The following TMEM131L variants were observed in gnomAD, a reference collection of about 807,000 sequenced individuals.
TMEM131L encodes the protein transmembrane protein 131-like.
In TMEM131L, 54 loss-of-function variants were observed where a neutral mutation model predicts 192.2. The ratio of observed to expected loss-of-function variants is 0.28; its 90% confidence interval spans 0.23 to 0.35. The LOEUF is 0.35. TMEM131L is among the 10% of genes least tolerant of loss of function. The probability of loss-of-function intolerance (pLI) is 1.00; values close to 1 mark genes in which losing one functional copy is unlikely to be tolerated. For missense variants in TMEM131L, 1,888 were observed against 1,972.9 expected, an observed-to-expected ratio of 0.96 and a Z score of 0.82; for synonymous variants, 701 against 704.9, an observed-to-expected ratio of 0.99 and a Z score of 0.09.
chr4:153,511,762 ATAAG>A (rs1015926924), intron 3 of TMEM131L, among the ~76,000 whole-genome samples: 6 of 152,208 alleles, frequency 3.9e-5, no homozygotes, highest in African/African-American at 1.2e-4. Flanking sequence ...CATTCCAGTA[ATAAG>A]TAATAGTCTT....
intron 3 of TMEM131L, among the ~76,000 whole-genome samples, chr4:153,490,669 T>C (rs1732704286): frequency 6.6e-6 from 1 of 151,910 alleles, no homozygotes; most frequent in Non-Finnish European, 1.5e-5. Context: ...ATTTAAAAAA[T>C]GAGCGGCCGG....
intron 18 of TMEM131L, among the ~76,000 whole-genome samples, chr4:153,592,814 A>G (rs969683728): frequency 2.0e-5 from 3 of 152,226 alleles, no homozygotes; most frequent in African/African-American, 7.2e-5. Flanking sequence ...GAAGTCCACT[A>G]ACCAACAGAT....
chr4:153,589,684 A>G (rs1015884281), intron 16 of TMEM131L, among the ~76,000 whole-genome samples: 1 of 152,248 alleles, frequency 6.6e-6, no homozygotes, highest in African/African-American at 2.4e-5. Context: ...TATTGACATT[A>G]CAGTCCGTAG....
At chr4:153,506,720 G>A (rs982375198) in intron 3 of TMEM131L, among the ~76,000 whole-genome samples, 3 of 151,746 alleles carry the variant, frequency 2.0e-5, no homozygotes, top group Admixed American at 2.0e-4. Context: ...GCACATGCTT[G>A]TAATCCCAGC....
At chr4:153,595,209 G>A (rs905675449) in intron 19 of TMEM131L, among the ~76,000 whole-genome samples, 1 of 152,084 alleles carries the variant, frequency 6.6e-6, no homozygotes, top group African/African-American at 2.4e-5. Context: ...GTAAAGAAAG[G>A]CTTCCTGCAT....
chr4:153,597,127 AGTTT>A (rs1181507907), intron 20 of TMEM131L, among the ~76,000 whole-genome samples: 1 of 152,112 alleles, frequency 6.6e-6, no homozygotes, highest in African/African-American at 2.4e-5. Flanking sequence ...TTAATATATA[AGTTT>A]GTTCTTTTGC....
intron 9 of TMEM131L, among the ~76,000 whole-genome samples, chr4:153,582,027 ATG>A (rs913374967): frequency 2.4e-4 from 37 of 152,312 alleles, no homozygotes; most frequent in African/African-American, 8.9e-4. Flanking sequence ...ATCTTTGGAA[ATG>A]TGTGTCCTAC....
intron 20 of TMEM131L, among the ~76,000 whole-genome samples, chr4:153,597,287 T>C (rs1377356157): frequency 6.6e-6 from 1 of 151,800 alleles, no homozygotes; most frequent in African/African-American, 2.4e-5. Flanking sequence ...TTTTTTTTGA[T>C]TTAGTGTTTC....
chr4:153,546,670 G>A (rs975607012), intron 3 of TMEM131L, among the ~76,000 whole-genome samples: 4 of 152,334 alleles, frequency 2.6e-5, no homozygotes, highest in African/African-American at 9.6e-5. Flanking sequence ...GCTCATGCCT[G>A]TAATCCCAGC....
At chr4:153,605,351 G>T (rs1732150850) in intron 25 of TMEM131L, among the ~76,000 whole-genome samples, 1 of 152,076 alleles carries the variant, frequency 6.6e-6, no homozygotes, top group East Asian at 1.9e-4. Context: ...ACGTATTTCT[G>T]TACCTGTTAT....
At chr4:153,514,455 T>C (rs1018785280) in intron 3 of TMEM131L, among the ~76,000 whole-genome samples, 2 of 152,248 alleles carry the variant, frequency 1.3e-5, no homozygotes, top group Non-Finnish European at 2.9e-5. Flanking sequence ...GTTTTGGTTT[T>C]CAAAGTGGAA....
In TMEM131L at chr4:153,603,357, C is replaced by T; in HGVS notation, c.2694C>T (p.Leu898=). The T allele has an allele frequency of 1.2e-6, 2 of 1,613,944 alleles. No homozygotes were observed. The highest frequency in any genetic ancestry group is 2.2e-5 in the East Asian group (1 of 44,868). The change falls in exon 24 of 35, where the codon CTC becomes CTT. Residue 898 remains leucine, a synonymous_variant. Coordinates refer to ENST00000409959, the MANE Select transcript of TMEM131L (RefSeq NM_001131007.2). ...LIAFQQAQYI[L]MEFMKTRQRQ... ...CCTTCCAACAAGCACAGTACATTCTCATGGAATTCATGAAAACAAGACAGA... is the reference window on the plus strand; with the variant it reads ...CCTTCCAACAAGCACAGTACATTCTTATGGAATTCATGAAAACAAGACAGA...
At chr4:153,574,095 G>C (rs1729772718) in intron 7 of TMEM131L, among the ~76,000 whole-genome samples, 2 of 151,164 alleles carry the variant, frequency 1.3e-5, no homozygotes, top group Admixed American at 1.3e-4. Context: ...TATGGCTGGG[G>C]TTTGATCTCA....
intron 3 of TMEM131L, among the ~76,000 whole-genome samples, chr4:153,531,311 C>G (rs983954846): frequency 2.0e-5 from 3 of 152,192 alleles, no homozygotes; most frequent in Admixed American, 6.5e-5. Flanking sequence ...TATTACTGGA[C>G]TAAATTATTT....
chr4:153,488,906 C>T (rs941827728), intron 3 of TMEM131L, among the ~76,000 whole-genome samples: 2 of 152,114 alleles, frequency 1.3e-5, no homozygotes, highest in South Asian at 2.1e-4. Flanking sequence ...AGTCTCTTGT[C>T]GCACAGCGCT....
At chr4:153,595,124 G>T (rs1476896821) in intron 19 of TMEM131L, among the ~76,000 whole-genome samples, 1 of 152,146 alleles carries the variant, frequency 6.6e-6, no homozygotes, top group East Asian at 1.9e-4. Flanking sequence ...TTGATGAAAA[G>T]AATAGTTAAT....
intron 31 of TMEM131L, among the ~76,000 whole-genome samples, chr4:153,630,173 G>C (rs1462166419): frequency 6.6e-6 from 1 of 152,182 alleles, no homozygotes; most frequent in Non-Finnish European, 1.5e-5. Context: ...TGTAGCCCTG[G>C]CTTCTGGTAG....
At chr4:153,607,805 C>G (rs543191171) in intron 25 of TMEM131L, among the ~76,000 whole-genome samples, 2 of 152,154 alleles carry the variant, frequency 1.3e-5, no homozygotes, top group South Asian at 4.1e-4. Context: ...TACTTGCCAT[C>G]AAGAAACATA....
At chr4:153,608,976 C>T (rs1034173097) in intron 25 of TMEM131L, among the ~76,000 whole-genome samples, 10 of 152,116 alleles carry the variant, frequency 6.6e-5, no homozygotes, top group East Asian at 1.9e-4. Flanking sequence ...CACCTCCCAA[C>T]GTCTTCTCCT....
Sources: allele counts gnomAD v4.1 joint callset (sites outside exome capture counted in the v4.1 genomes callset), GRCh38; gene constraint gnomAD v4.1.1; transcripts MANE v1.5; gene names NCBI Gene and HGNC (gene_info 2026-07-23, HGNC 2026-07-21).